Variants in MYB observed in about 807,000 individuals in gnomAD.
MYB encodes the protein MYB proto-oncogene, transcription factor.
A neutral mutation model predicts 92.9 loss-of-function variants in MYB; 28 were observed. The ratio of observed to expected loss-of-function variants is 0.30; its 90% CI spans 0.22 to 0.41. MYB has a LOEUF of 0.41. Among genes scored for constraint, MYB ranks in the 10% least tolerant of loss-of-function variants. The pLI, the probability that MYB is intolerant of heterozygous loss-of-function variation, is 1.00. For synonymous variants in MYB, 295 were observed against 329.1 expected (o/e 0.90, Z 1.12); for missense variants, 679 against 929.3 (o/e 0.73, Z 3.50).
chr6:135,195,637 A>G, intron 8 of MYB, 111 bp from the exon 9 acceptor site: 1 of 1,230,836 alleles, frequency 8.1e-7, no homozygotes, highest in Non-Finnish European at 1.2e-6. Context: ...TGATGCAACT[A>G]CTCTTATCTT....
chr6:135,196,690 A>G (rs1473950381), intron 9 of MYB: 8 of 1,355,304 alleles, frequency 5.9e-6, no homozygotes, highest in Non-Finnish European at 7.9e-6. Context: ...TATGCCATCT[A>G]GAAAAGGTCT....
At chr6:135,189,383 C>A (rs911390505) in intron 3 of MYB, among the ~76,000 whole-genome samples, 1 of 152,218 alleles carries the variant, frequency 6.6e-6, no homozygotes, top group African/African-American at 2.4e-5. Flanking sequence ...GATTGAAGCA[C>A]ATCTCTTGTC....
At chr6:135,195,079 C>T (rs951927106) in intron 8 of MYB, 3 of 1,294,712 alleles carry the variant, frequency 2.3e-6, no homozygotes, top group Admixed American at 4.6e-5. Flanking sequence ...GAAGTGATGC[C>T]CAGTAGGTAT....
intron 15 of MYB, among the ~76,000 whole-genome samples, chr6:135,209,589 T>A (rs545683781): frequency 7.2e-5 from 11 of 152,224 alleles, no homozygotes; most frequent in Non-Finnish European, 1.6e-4. Flanking sequence ...TAATCTATAA[T>A]CTACAGTGCT....
chr6:135,207,020 G>A (rs936543759), intron 15 of MYB, among the ~76,000 whole-genome samples: 2 of 151,952 alleles, frequency 1.3e-5, no homozygotes, highest in African/African-American at 4.8e-5. Flanking sequence ...GATTTTTTAT[G>A]CAATTTGGTA....
chr6:135,193,240 A>T (rs1776858067), intron 6 of MYB, among the ~76,000 whole-genome samples: 1 of 152,234 alleles, frequency 6.6e-6, no homozygotes, highest in African/African-American at 2.4e-5. Flanking sequence ...AGAGGAAAAA[A>T]ATCGAGAAAC....
intron 15 of MYB, 85 bp downstream of exon 15, chr6:135,203,409 G>T: frequency 9.1e-7 from 1 of 1,096,874 alleles, no homozygotes; most frequent in South Asian, 1.4e-5. Context: ...GGTGGTGATG[G>T]TAGTGCTGGT....
chr6:135,189,990 G>T, intron 4 of MYB, 107 bp downstream of exon 4: 1 of 1,390,462 alleles, frequency 7.2e-7, no homozygotes, highest in Non-Finnish European at 1.0e-6. Flanking sequence ...AGGAAGTAGA[G>T]GACTCTATTC....
At position 135,218,669 on chromosome 6, in the gene MYB, G is replaced by A. The variant is rs963440512; in HGVS notation, c.*689G>A. ...GTCTTAGCCTGTAGACATGCTGCTA[G>A]TATCAGAGGGGCAGTAGAGCTTGGA... On this transcript the variant is annotated 3_prime_UTR_variant, in exon 16 of 16. Coordinates refer to ENST00000341911, the MANE Select transcript of MYB (RefSeq NM_001130173.2). 5 of 191,934 alleles carry A rather than the reference G, an allele frequency of 2.6e-5. No homozygotes were observed. The East Asian group carries it at 3.3e-4, about 13-fold the overall frequency. The allele number at this position is 191,934 out of a possible 1,614,324, so 11.9% of individuals were successfully genotyped here.
chr6:135,186,881 G>A (rs1160536508), intron 2 of MYB, among the ~76,000 whole-genome samples: 1 of 152,204 alleles, frequency 6.6e-6, no homozygotes, highest in Non-Finnish European at 1.5e-5. Flanking sequence ...TACAATAAAT[G>A]GTATTGGCTC....
At chr6:135,193,793 T>C (rs768889203) in intron 6 of MYB, 45 bp from the exon 7 acceptor site, 3 of 1,383,440 alleles carry the variant, frequency 2.2e-6, no homozygotes, top group Admixed American at 3.4e-5. Context: ...CTGAAGCATA[T>C]GTAGCCCTGA....
At position 135,182,295 on chromosome 6, in the gene MYB, G is replaced by A. The variant is rs1426738044; in HGVS notation, c.23+759G>A. Among the ~76,000 whole-genome samples, 1 of 152,202 alleles carries A rather than the reference G, an allele frequency of 6.6e-6. No individual in the cohort carries two copies. Among genetic ancestry groups the A allele is most frequent in the South Asian group, 2.1e-4 (1 of 4,832 alleles). On this transcript the variant is annotated intron_variant, in intron 1 of 15. Coordinates refer to ENST00000341911, the MANE Select transcript of MYB (RefSeq NM_001130173.2). This position sits in a 1 kb window ranked among gnomAD's most constrained non-coding sequence, Gnocchi z 5.6. ...ATTTTTGGCCGGACAGATGGGAAGA[G>A]GGAGAGGAGGAGGAGGAGGGAAATC...
intron 1 of MYB, among the ~76,000 whole-genome samples, chr6:135,183,773 G>T (rs960855118): frequency 6.6e-6 from 1 of 152,182 alleles, no homozygotes; most frequent in Non-Finnish European, 1.5e-5. Flanking sequence ...TTGCCCCCAA[G>T]ACCTTAGTTT....
intron 8 of MYB, chr6:135,194,701 A>G (rs959195394): frequency 2.1e-5 from 12 of 564,490 alleles, no homozygotes; most frequent in African/African-American, 2.1e-4. Flanking sequence ...TGTTATCATC[A>G]ATTTTTTTCT....
intron 9 of MYB, 136 bp downstream of exon 9, chr6:135,196,138 C>A: frequency 1.1e-6 from 1 of 915,688 alleles, no homozygotes; most frequent in Non-Finnish European, 1.6e-6. Context: ...TGATTTTCAT[C>A]TTCATGAATA....
At chr6:135,187,351 C>T (rs951464511) in intron 2 of MYB, among the ~76,000 whole-genome samples, 15 of 152,112 alleles carry the variant, frequency 9.9e-5, no homozygotes, top group African/African-American at 3.6e-4. Flanking sequence ...GCTCAAGATC[C>T]TATTTATTAC....
intron 2 of MYB, 28 bp from the exon 3 acceptor site, chr6:135,187,806 A>G: frequency 1.3e-6 from 2 of 1,512,392 alleles, no homozygotes; most frequent in South Asian, 1.2e-5. Context: ...AATAACTGAT[A>G]TCCTAGGATT....
At chr6:135,186,849 A>G (rs986928414) in intron 2 of MYB, among the ~76,000 whole-genome samples, 2 of 152,270 alleles carry the variant, frequency 1.3e-5, no homozygotes, top group Admixed American at 6.5e-5. Flanking sequence ...AATTTTTGCA[A>G]CTAATTTTAG....
intron 15 of MYB, among the ~76,000 whole-genome samples, chr6:135,204,889 C>T (rs1285636131): frequency 6.6e-6 from 1 of 152,026 alleles, no homozygotes; most frequent in Non-Finnish European, 1.5e-5. Context: ...GGGTGGATAA[C>T]TTGAGGTCAG....
Sources: gnomAD v4.1 joint callset for allele counts (sites outside exome capture counted in the v4.1 genomes callset) on GRCh38, gnomAD v4.1.1 for gene constraint, Gnocchi (gnomAD v3.1) non-coding constraint, MANE v1.5 for transcripts, NCBI Gene and HGNC (gene_info 2026-07-23, HGNC 2026-07-21) for gene names.